CSMD1: variants seen among roughly 807,000 people sequenced by gnomAD.
CSMD1 encodes the protein CUB and Sushi multiple domains 1.
In CSMD1, 213 loss-of-function variants were observed where a neutral mutation model predicts 417.5. The ratio of observed to expected loss-of-function variants is 0.51; its 90% CI spans 0.46 to 0.57. The LOEUF (loss-of-function observed/expected upper bound fraction) is 0.57, where lower values mean the gene tolerates loss of function less well. Ranked by LOEUF, CSMD1 falls within the 20% of genes least tolerant of loss-of-function variation. CSMD1 has a pLI of 0.00. For synonymous variants in CSMD1, 2,862 were observed against 1,736.8 expected, an observed-to-expected ratio of 1.65 and a Z score of -16.11; for missense variants, 6,923 against 4,529.7, an observed-to-expected ratio of 1.53 and a Z score of -15.17.
chr8:3,085,624 T>A (rs1016681171), intron 49 of CSMD1, among the ~76,000 whole-genome samples: 1 of 152,212 alleles, frequency 6.6e-6, no homozygotes, highest in Non-Finnish European at 1.5e-5. Context: ...TATTTGTATT[T>A]CTGAATCATT....
At chr8:3,731,319 C>G (rs893430627) in intron 6 of CSMD1, among the ~76,000 whole-genome samples, 5 of 152,150 alleles carry the variant, frequency 3.3e-5, no homozygotes, top group Non-Finnish European at 7.3e-5. Flanking sequence ...CTCTGAATGC[C>G]TCTCTTGAAA....
At chr8:3,439,617 T>C (rs1814839264) in intron 12 of CSMD1, among the ~76,000 whole-genome samples, 2 of 151,902 alleles carry the variant, frequency 1.3e-5, no homozygotes, top group South Asian at 4.1e-4. Context: ...TTCAAGTTCT[T>C]TATATGATTT....
At chr8:4,793,724 G>A (rs557615551) in intron 1 of CSMD1, among the ~76,000 whole-genome samples, 1 of 151,918 alleles carries the variant, frequency 6.6e-6, no homozygotes, top group South Asian at 2.1e-4. Flanking sequence ...TCTTTTACAG[G>A]GGAAATGACA....
intron 3 of CSMD1, among the ~76,000 whole-genome samples, chr8:4,058,024 T>C (rs1585223147): frequency 6.6e-6 from 1 of 151,802 alleles, no homozygotes; most frequent in East Asian, 2.0e-4. Flanking sequence ...TGGGCTCTTT[T>C]TTGGTTCCAT....
intron 6 of CSMD1, among the ~76,000 whole-genome samples, chr8:3,729,941 A>C (rs1479264881): frequency 1.8e-5 from 1 of 56,572 alleles, no homozygotes; most frequent in Non-Finnish European, 3.8e-5. Flanking sequence ...AAAAAAAAAA[A>C]AAAAAAAAAA....
intron 1 of CSMD1, among the ~76,000 whole-genome samples, chr8:4,793,310 T>A (rs916250462): frequency 6.6e-6 from 1 of 152,186 alleles, no homozygotes; most frequent in African/African-American, 2.4e-5. Context: ...TCTCAAATGA[T>A]AACACAGAAG....
intron 3 of CSMD1, among the ~76,000 whole-genome samples, chr8:4,074,829 T>A (rs1431230578): frequency 1.3e-5 from 2 of 152,182 alleles, no homozygotes; most frequent in Non-Finnish European, 2.9e-5. Context: ...TGCCTTTTTC[T>A]TGGTAGAATT....
At chr8:4,937,838 G>C (rs886713450) in intron 1 of CSMD1, among the ~76,000 whole-genome samples, 4 of 152,036 alleles carry the variant, frequency 2.6e-5, no homozygotes, top group East Asian at 3.9e-4. Flanking sequence ...AATCACACAG[G>C]AAATCTACAT....
chr8:4,393,184 C>A (rs1236794980), intron 3 of CSMD1, among the ~76,000 whole-genome samples: 1 of 152,020 alleles, frequency 6.6e-6, no homozygotes, highest in African/African-American at 2.4e-5. Flanking sequence ...CCATGTTGCC[C>A]AGGATGGTCT....
chr8:4,371,203 C>T (rs933890016), intron 3 of CSMD1, among the ~76,000 whole-genome samples: 1 of 152,138 alleles, frequency 6.6e-6, no homozygotes, highest in Non-Finnish European at 1.5e-5. Flanking sequence ...CTCAGCTCCA[C>T]ACTGCTGGGC....
chr8:4,569,070 C>T (rs1053504775), intron 2 of CSMD1, among the ~76,000 whole-genome samples: 1 of 149,890 alleles, frequency 6.7e-6, no homozygotes, highest in Non-Finnish European at 1.5e-5. Flanking sequence ...TGTAGGTTGC[C>T]TGTTCACTGT....
At chr8:4,162,703 C>T (rs189563624) in intron 3 of CSMD1, among the ~76,000 whole-genome samples, 44 of 152,280 alleles carry the variant, frequency 2.9e-4, no homozygotes, top group Admixed American at 2.8e-3. Context: ...ACATCCCACG[C>T]CAGAGTGGTG....
rs1368088167 is a variant in CSMD1, at chr8:3,926,079, CCATACACACA to C, written c.818+71814_818+71823del. Among the ~76,000 whole-genome samples the C allele has an allele frequency of 2.1e-3, 170 of 81,426 alleles. 5 individuals are homozygous for C. The highest frequency in any genetic ancestry group is 8.8e-3 in the African/African-American group (156 of 17,816). 53.4% of individuals were successfully genotyped at this position (81,426 alleles called of 152,430 possible). On this transcript the variant is annotated intron_variant, in intron 5 of 69. Coordinates refer to ENST00000635120, the MANE Select transcript of CSMD1 (RefSeq NM_033225.6). ...ACACACACACACACACACACAAACA[CCATACACACA>C]CACACACACACACACACACACACAC...
intron 6 of CSMD1, among the ~76,000 whole-genome samples, chr8:3,712,692 T>C (rs1359891945): frequency 1.3e-5 from 2 of 152,190 alleles, no homozygotes; most frequent in Non-Finnish European, 2.9e-5. Flanking sequence ...GTTATCTAGT[T>C]TTCATATGAG....
intron 6 of CSMD1, among the ~76,000 whole-genome samples, chr8:3,725,965 A>G (rs1563314290): frequency 1.3e-5 from 2 of 152,186 alleles, no homozygotes; most frequent in Non-Finnish European, 2.9e-5. Context: ...CAGAAAAAAC[A>G]GTGGAAGTAA....
rs1255636257 is a variant in CSMD1, at chr8:4,067,482, ACTTT to A, written c.416-35387_416-35384del. Among the ~76,000 whole-genome samples, 7 of 151,260 alleles carry A rather than the reference ACTTT, an allele frequency of 4.6e-5. No individual in the cohort carries two copies. The East Asian group carries it at 6.0e-4, about 13-fold the overall frequency. On this transcript the variant is annotated intron_variant, in intron 3 of 69. Transcript: ENST00000635120. The stretch of plus-strand genomic sequence containing the variant: ...CAGTTCTTTTCACATGAAATAAATT[ACTTT>A]TTTTTTTAATTTCAAAATTTTTAAA...
chr8:4,607,930 G>C (rs926031359), intron 2 of CSMD1, among the ~76,000 whole-genome samples: 1 of 152,092 alleles, frequency 6.6e-6, no homozygotes, highest in Non-Finnish European at 1.5e-5. Context: ...CTAGTGTTGA[G>C]GTCTCACTGA....
At chr8:3,466,284 C>G (rs190469983) in intron 12 of CSMD1, among the ~76,000 whole-genome samples, 1 of 151,794 alleles carries the variant, frequency 6.6e-6, no homozygotes, top group Non-Finnish European at 1.5e-5. Flanking sequence ...GCAGCAGAAC[C>G]AGTATTCAGG....
intron 12 of CSMD1, among the ~76,000 whole-genome samples, chr8:3,428,939 G>T (rs1371415726): frequency 1.3e-5 from 2 of 152,192 alleles, no homozygotes; most frequent in Non-Finnish European, 2.9e-5. Context: ...GCCAGTGACA[G>T]AAAGACAAGC....
Sources: allele counts gnomAD v4.1 joint callset (sites outside exome capture counted in the v4.1 genomes callset), GRCh38; gene constraint gnomAD v4.1.1; transcripts MANE v1.5; gene names NCBI Gene and HGNC (gene_info 2026-07-23, HGNC 2026-07-21).